Variants in ADAMTS19 observed in about 807,000 individuals in gnomAD.
ADAMTS19 encodes A disintegrin and metalloproteinase with thrombospondin motifs 19.
In ADAMTS19, 93 loss-of-function variants were observed where a neutral mutation model predicts 153.3. That is an observed-to-expected ratio of 0.61 (90% CI 0.51 to 0.72). The LOEUF is 0.72. Ranked by LOEUF, ADAMTS19 falls within the 30% of genes least tolerant of loss-of-function variation. The pLI, the probability that ADAMTS19 is intolerant of heterozygous loss-of-function variation, is 0.00. For missense variants in ADAMTS19, 1,482 were observed against 1,552.1 expected (o/e 0.95, Z 0.76); for synonymous variants, 600 against 556.6 (o/e 1.08, Z -1.10).
chr5:129,587,011 T>G (rs1749837974), intron 7 of ADAMTS19, among the ~76,000 whole-genome samples: 1 of 152,188 alleles, frequency 6.6e-6, no homozygotes, highest in African/African-American at 2.4e-5. Context: ...TGTTCCTCTT[T>G]AAAACATTTT....
intron 18 of ADAMTS19, among the ~76,000 whole-genome samples, chr5:129,691,640 A>G (rs1755342260): frequency 6.6e-6 from 1 of 152,160 alleles, no homozygotes; most frequent in Non-Finnish European, 1.5e-5. Flanking sequence ...TTTTTGTTCA[A>G]TGAAATTTTT....
rs1363050559 is a variant in ADAMTS19, at chr5:129,461,713, C to A, written c.703C>A (p.His235Asn). 4.0e-6 allele frequency: 6 copies of A among 1,517,708 alleles called. No individual in the cohort carries two copies. Among genetic ancestry groups the A allele is most frequent in the Non-Finnish European group, 5.3e-6 (6 of 1,137,786 alleles). The allele number at this position is 1,517,708 out of a possible 1,614,324, so 94.0% of individuals were successfully genotyped here. ...CTTCTACACCGGAGCTGTGCTGCGG[C>A]ACCCTGGCTCGCTGGCTTCTTTCAG... ...GCFYTGAVLR[H>N]PGSLASFSTC... The change falls in exon 2 of 23, where the codon CAC (histidine) becomes AAC (asparagine). Residue 235 changes from histidine to asparagine, a missense_variant. Coordinates refer to ENST00000274487, the MANE Select transcript of ADAMTS19 (RefSeq NM_133638.6). This position sits in a 1 kb window ranked among gnomAD's most constrained non-coding sequence, Gnocchi z 4.6.
chr5:129,522,517 T>C (rs1751860138), intron 3 of ADAMTS19, among the ~76,000 whole-genome samples: 1 of 151,494 alleles, frequency 6.6e-6, no homozygotes, highest in African/African-American at 2.4e-5. Flanking sequence ...AATATTTGCA[T>C]TAATTGTTAC....
intron 2 of ADAMTS19, among the ~76,000 whole-genome samples, chr5:129,468,224 T>C (rs1316717776): frequency 2.0e-5 from 3 of 152,198 alleles, no homozygotes; most frequent in Non-Finnish European, 4.4e-5. Context: ...TTGTACCCCA[T>C]AGAGATGGTG....
At chr5:129,645,804 C>T (rs1753032855) in intron 11 of ADAMTS19, among the ~76,000 whole-genome samples, 2 of 151,686 alleles carry the variant, frequency 1.3e-5, no homozygotes, top group South Asian at 4.2e-4. Context: ...TTTTTTTTTC[C>T]ATGAATGGCA....
In ADAMTS19 at chr5:129,738,425, G is replaced by A. The variant is rs892027152; in HGVS notation, c.*1207G>A. 1 of 151,968 alleles carries A rather than the reference G, an allele frequency of 6.6e-6. No individual in the cohort carries two copies. Among genetic ancestry groups the A allele is most frequent in the Non-Finnish European group, 1.5e-5 (1 of 67,982 alleles). 9.4% of individuals were successfully genotyped at this position (151,968 alleles called of 1,614,324 possible). A position where few individuals can be genotyped will look rare whatever the true frequency, so the allele number is the denominator to read the frequency against. On this transcript the variant is annotated 3_prime_UTR_variant, in exon 23 of 23. Transcript: ENST00000274487. ...CTTTTGTTCTGGAGTATCTTCTAGA[G>A]GATGTTTATAGAGTGAACTGCCTTG... is the stretch of plus-strand genomic sequence containing the variant.
At chr5:129,588,401 C>A (rs567129900) in intron 7 of ADAMTS19, among the ~76,000 whole-genome samples, 1 of 151,978 alleles carries the variant, frequency 6.6e-6, no homozygotes, top group Admixed American at 6.6e-5. Context: ...CATGTTTGAA[C>A]ATAATATGAA....
At chr5:129,656,100 C>A (rs758463683) in intron 14 of ADAMTS19, among the ~76,000 whole-genome samples, 1 of 152,062 alleles carries the variant, frequency 6.6e-6, no homozygotes, top group Non-Finnish European at 1.5e-5. Context: ...AATTGCTATG[C>A]TTTTTACTTA....
At chr5:129,665,250 GA>G (rs1407184163) in intron 15 of ADAMTS19, among the ~76,000 whole-genome samples, 3 of 149,728 alleles carry the variant, frequency 2.0e-5, no homozygotes, top group African/African-American at 7.3e-5. Flanking sequence ...GTATCAATGA[GA>G]TTTTTTTGTT....
chr5:129,640,768 A>G (rs1201315709), intron 10 of ADAMTS19, among the ~76,000 whole-genome samples: 1 of 151,934 alleles, frequency 6.6e-6, no homozygotes. Flanking sequence ...CTCTTCTCCC[A>G]GTATCTGGAT....
chr5:129,644,763 G>A (rs1281617514), intron 11 of ADAMTS19, among the ~76,000 whole-genome samples: 2 of 152,124 alleles, frequency 1.3e-5, no homozygotes, highest in African/African-American at 2.4e-5. Flanking sequence ...TACTAGAAAT[G>A]AAAAGAGCGG....
At chr5:129,622,126 G>A (rs965862164) in intron 9 of ADAMTS19, 72 bp from the exon 10 acceptor site, 1 of 1,490,158 alleles carries the variant, frequency 6.7e-7, no homozygotes, top group Non-Finnish European at 9.3e-7. Context: ...AGTGTTTCTT[G>A]TTGTATGCTA....
At chr5:129,503,190 A>G (rs1200146721) in intron 2 of ADAMTS19, among the ~76,000 whole-genome samples, 1 of 152,204 alleles carries the variant, frequency 6.6e-6, no homozygotes, top group African/African-American at 2.4e-5. Flanking sequence ...CAATTCTCAT[A>G]GCCTTATAGG....
At chr5:129,718,711 T>A (rs1174725088) in intron 21 of ADAMTS19, among the ~76,000 whole-genome samples, 1 of 152,204 alleles carries the variant, frequency 6.6e-6, no homozygotes, top group Non-Finnish European at 1.5e-5. Flanking sequence ...GTTAAACCAC[T>A]TTGGAATAAT....
At position 129,702,941 on chromosome 5, in the gene ADAMTS19, A is replaced by AAAAAAAAATAT; in HGVS notation, c.3160-1297_3160-1296insAAAAAAATATA. The stretch of plus-strand genomic sequence containing the variant: ...TAGTTTGACTTGCCAAAAAAAAAAA[A>AAAAAAAAATAT]ATATATATATATATATATATATATA... On this transcript the variant is annotated intron_variant, in intron 20 of 22. Transcript: ENST00000274487. Among the ~76,000 whole-genome samples the AAAAAAAAATAT allele has an allele frequency of 5.2e-3, 153 of 29,214 alleles. 1 individual carries two copies. Among genetic ancestry groups the AAAAAAAAATAT allele is most frequent in the African/African-American group, 0.013 (151 of 11,642 alleles). 19.2% of individuals were successfully genotyped at this position (29,214 alleles called of 152,430 possible).
At chr5:129,655,235 T>C (rs1440380912) in intron 14 of ADAMTS19, among the ~76,000 whole-genome samples, 2 of 152,196 alleles carry the variant, frequency 1.3e-5, no homozygotes, top group African/African-American at 4.8e-5. Flanking sequence ...TGGGAAGTGC[T>C]TAAACTGGCA....
chr5:129,476,246 A>G (rs1750221783), intron 2 of ADAMTS19, among the ~76,000 whole-genome samples: 1 of 152,210 alleles, frequency 6.6e-6, no homozygotes, highest in Non-Finnish European at 1.5e-5. Flanking sequence ...CAAACCACTA[A>G]CAAGATTTAA....
intron 20 of ADAMTS19, among the ~76,000 whole-genome samples, chr5:129,703,266 G>A (rs1314170551): frequency 6.6e-6 from 1 of 151,348 alleles, no homozygotes; most frequent in Non-Finnish European, 1.5e-5. Context: ...GTAAATGAGA[G>A]AAGAGATTGC....
chr5:129,612,352 A>G (rs1199170469), intron 8 of ADAMTS19, among the ~76,000 whole-genome samples: 1 of 151,802 alleles, frequency 6.6e-6, no homozygotes, highest in African/African-American at 2.4e-5. Context: ...TATGTGCCAC[A>G]TTTTCTTAAT....
Sources: allele counts gnomAD v4.1 joint callset (sites outside exome capture counted in the v4.1 genomes callset), GRCh38; gene constraint gnomAD v4.1.1; non-coding constraint Gnocchi (gnomAD v3.1); transcripts MANE v1.5; gene names NCBI Gene and HGNC (gene_info 2026-07-23, HGNC 2026-07-21).